Variants in RASA1 observed in about 807,000 individuals in gnomAD.
The protein encoded by RASA1 is RAS p21 protein activator 1.
A neutral mutation model predicts 132.2 loss-of-function variants in RASA1; 25 were observed. The observed-to-expected ratio is 0.19, with a 90% CI of 0.14 to 0.26. The LOEUF is 0.26. RASA1 is among the 10% of genes least tolerant of loss of function. The pLI is 1.00. For synonymous variants in RASA1, 477 were observed against 449.9 expected (o/e 1.06, Z -0.76); for missense variants, 964 against 1,299.2 (o/e 0.74, Z 3.97).
intron 5 of RASA1, among the ~76,000 whole-genome samples, chr5:87,340,774 GA>G (rs1220478407): frequency 6.6e-6 from 1 of 152,074 alleles, no homozygotes; most frequent in African/African-American, 2.4e-5. Flanking sequence ...GCAAAAAGTG[GA>G]AAGTACATTC....
At chr5:87,374,984 A>G in intron 15 of RASA1, 68 bp downstream of exon 15, 1 of 1,531,432 alleles carries the variant, frequency 6.5e-7, no homozygotes, top group Non-Finnish European at 8.7e-7. Context: ...ATTCACAATG[A>G]AAGTCTTAAA....
chr5:87,365,797 C>T (rs992839722), intron 11 of RASA1, among the ~76,000 whole-genome samples: 56 of 151,624 alleles, frequency 3.7e-4, no homozygotes, highest in Admixed American at 3.6e-3. Context: ...CAAAGAAGGT[C>T]CTATGGAAAT....
chr5:87,389,127 A>G (rs544933279), intron 23 of RASA1, among the ~76,000 whole-genome samples: 32 of 152,304 alleles, frequency 2.1e-4, no homozygotes, highest in African/African-American at 3.6e-4. Context: ...AATATACCCA[A>G]TTAGAATCTT....
intron 1 of RASA1, among the ~76,000 whole-genome samples, chr5:87,310,585 A>G (rs1755833768): frequency 6.6e-6 from 1 of 152,174 alleles, no homozygotes; most frequent in East Asian, 1.9e-4. Context: ...CTTGTTTTTC[A>G]TGTAAGCGCT....
intron 5 of RASA1, among the ~76,000 whole-genome samples, chr5:87,339,342 A>C (rs1758270549): frequency 6.6e-6 from 1 of 152,166 alleles, no homozygotes; most frequent in South Asian, 2.1e-4. Context: ...TAGGACTCCT[A>C]ATTCCTAGAT....
rs1484820367 is a variant in RASA1 at position 87,268,543 on chromosome 5, C to A, written c.92C>A (p.Pro31His). The change falls in exon 1 of 25, where the codon CCC (proline) becomes CAC (histidine). Residue 31 changes from proline (P) to histidine (H), a missense_variant. Around this residue, in one of 6 missense-constraint regions of RASA1, gnomAD observed 326 missense variants for 275.8 expected, o/e 1.18. Coordinates refer to ENST00000274376, the MANE Select transcript of RASA1 (RefSeq NM_002890.3). ...GGAAAGSSAYPAVCRVKIPAA... is the reference protein window; with the variant it reads ...GGAAAGSSAYHAVCRVKIPAA... ...GCGGCAGCGGGCTCCAGTGCCTATCCCGCAGTGTGTCGGGTGAAGATACCC... is the reference window on the plus strand; with the variant it reads ...GCGGCAGCGGGCTCCAGTGCCTATCACGCAGTGTGTCGGGTGAAGATACCC... The A allele has an allele frequency of 6.2e-7, 1 of 1,600,242 alleles. No individual in the cohort carries two copies. The highest frequency in any genetic ancestry group is 1.3e-5 in the African/African-American group (1 of 74,840).
chr5:87,370,333 A>G (rs1187152554), intron 12 of RASA1, among the ~76,000 whole-genome samples: 4 of 152,204 alleles, frequency 2.6e-5, no homozygotes, highest in East Asian at 1.9e-4. Context: ...TTAGGAATCT[A>G]TTCTCTAAGC....
At chr5:87,269,323 A>G (rs1753720423) in intron 1 of RASA1, 1 of 1,533,852 alleles carries the variant, frequency 6.5e-7, no homozygotes. Context: ...TGCGGCTACC[A>G]AGGCAGTCAT....
chr5:87,374,167 G>T lies in RASA1; in HGVS notation c.1781G>T (p.Ser594Ile). Reference protein sequence around the residue: ...GTSNKRLRQVSSLVLHIEEAH... With the variant: ...GTSNKRLRQVISLVLHIEEAH... ...TATATATTTTTTTTTTTTTAGGTCAGCAGCCTTGTTTTACATATTGAAGAA... is the reference window on the plus strand; with the variant it reads ...TATATATTTTTTTTTTTTTAGGTCATCAGCCTTGTTTTACATATTGAAGAA... The change falls in exon 14 of 25, where the codon AGC (serine) becomes ATC (isoleucine). Residue 594 changes from serine to isoleucine, a missense_variant. Coordinates refer to ENST00000274376, the MANE Select transcript of RASA1 (RefSeq NM_002890.3). The T allele has an allele frequency of 6.8e-7, 1 of 1,480,798 alleles. No individual in the cohort carries two copies. The highest frequency in any genetic ancestry group is 1.4e-5 in the African/African-American group (1 of 69,684). 91.7% of individuals were successfully genotyped at this position (1,480,798 alleles called of 1,614,324 possible).
At chr5:87,382,001 GA>G (rs1487965283) in intron 20 of RASA1, among the ~76,000 whole-genome samples, 2 of 152,124 alleles carry the variant, frequency 1.3e-5, no homozygotes, top group Non-Finnish European at 2.9e-5. Flanking sequence ...GCCCATGCTG[GA>G]GTGCAGTGGT....
intron 1 of RASA1, among the ~76,000 whole-genome samples, chr5:87,281,332 CACTGCAATCTCGTCTT>C (rs1402668581): frequency 8.6e-5 from 13 of 150,908 alleles, no homozygotes; most frequent in Non-Finnish European, 1.5e-4. Context: ...AATCTCGTCT[CACTGCAATCTCGTCTT>C]ACTGCAATCT....
chr5:87,319,692 T>C (rs1756631812), intron 1 of RASA1, among the ~76,000 whole-genome samples: 2 of 152,190 alleles, frequency 1.3e-5, no homozygotes, highest in South Asian at 4.1e-4. Flanking sequence ...CCTCCAGGCC[T>C]GTACTGGAGG....
At chr5:87,276,515 T>G (rs934140977) in intron 1 of RASA1, among the ~76,000 whole-genome samples, 5 of 152,084 alleles carry the variant, frequency 3.3e-5, no homozygotes, top group African/African-American at 7.2e-5. Context: ...ATGAACAGTA[T>G]GGGGGACAAA....
At chr5:87,358,160 C>G (rs1433858888) in intron 9 of RASA1, among the ~76,000 whole-genome samples, 2 of 152,146 alleles carry the variant, frequency 1.3e-5, no homozygotes, top group Non-Finnish European at 2.9e-5. Context: ...AAGATGCTGG[C>G]AAAGGCTAAG....
At chr5:87,384,697 A>G (rs1441536183) in intron 21 of RASA1, among the ~76,000 whole-genome samples, 1 of 152,136 alleles carries the variant, frequency 6.6e-6, no homozygotes, top group African/African-American at 2.4e-5. Flanking sequence ...TCCAGAGCTT[A>G]TATTTAATAG....
intron 23 of RASA1, among the ~76,000 whole-genome samples, chr5:87,388,441 A>G (rs1233218786): frequency 6.6e-6 from 1 of 152,198 alleles, no homozygotes. Flanking sequence ...TAAAAAATCC[A>G]AAACTTGTTG....
intron 17 of RASA1, among the ~76,000 whole-genome samples, chr5:87,377,935 T>A (rs1761436657): frequency 6.6e-6 from 1 of 152,248 alleles, no homozygotes; most frequent in Admixed American, 6.5e-5. Context: ...ACAGCATTTG[T>A]ATTTCATTAA....
chr5:87,316,618 G>C (rs1177827732), intron 1 of RASA1, among the ~76,000 whole-genome samples: 1 of 152,124 alleles, frequency 6.6e-6, no homozygotes, highest in African/African-American at 2.4e-5. Context: ...AGAACATGGA[G>C]AGTGGGAGTA....
intron 23 of RASA1, among the ~76,000 whole-genome samples, chr5:87,388,072 A>C (rs116642099): frequency 6.6e-6 from 1 of 152,164 alleles, no homozygotes; most frequent in African/African-American, 2.4e-5. Context: ...AAACATGAAT[A>C]AAATAACTTT....
Sources: gnomAD v4.1 joint callset for allele counts (sites outside exome capture counted in the v4.1 genomes callset) on GRCh38, gnomAD v4.1.1 for gene constraint, gnomAD v4.1.1 regional missense constraint, MANE v1.5 for transcripts, NCBI Gene and HGNC (gene_info 2026-07-23, HGNC 2026-07-21) for gene names.